WDR19: variants seen among roughly 807,000 people sequenced by gnomAD.
WDR19 encodes the protein WD repeat-containing protein 19.
A neutral mutation model predicts 180.0 loss-of-function variants in WDR19; 121 were observed. The observed-to-expected ratio is 0.67, with a 90% CI of 0.58 to 0.78. The LOEUF (loss-of-function observed/expected upper bound fraction) is 0.78, where lower values mean the gene tolerates loss of function less well. Ranked by LOEUF, WDR19 falls within the 30% of genes least tolerant of loss-of-function variation. The pLI is 0.00. For missense variants in WDR19, 1,450 were observed against 1,640.7 expected (o/e 0.88, Z 2.01); for synonymous variants, 497 against 540.7 (o/e 0.92, Z 1.12).
chr4:39,257,661 C>T lies in WDR19; in HGVS notation c.3183+107C>T, dbSNP rs905406328. Reference sequence around the variant, plus strand: ...GTAGACCAAACAGTATTACAAACCCCTACATACCTATCGTGTAACTTCAAC... The same window carrying T: ...GTAGACCAAACAGTATTACAAACCCTTACATACCTATCGTGTAACTTCAAC... On this transcript the variant is annotated intron_variant, in intron 28 of 36. Transcript: ENST00000399820. 6 of 953,904 alleles carry T rather than the reference C, an allele frequency of 6.3e-6. No individual in the cohort carries two copies. In the African/African-American group the frequency reaches 8.3e-5, roughly 13 times the overall value. The allele number at this position is 953,904 out of a possible 1,614,324, so 59.1% of individuals were successfully genotyped here.
intron 17 of WDR19, among the ~76,000 whole-genome samples, chr4:39,230,799 A>G (rs936372669): frequency 6.6e-6 from 1 of 152,226 alleles, no homozygotes; most frequent in African/African-American, 2.4e-5. Flanking sequence ...AGATAAATGG[A>G]TGAATGAATA....
At chr4:39,220,560 A>ATTTTTTTTTTTT (rs142037096) in intron 14 of WDR19, among the ~76,000 whole-genome samples, 3 of 64,376 alleles carry the variant, frequency 4.7e-5, no homozygotes, top group African/African-American at 7.3e-5. Context: ...GACCTCCTTG[A>ATTTTTTTTTTTT]TTTTTTTTTT....
intron 6 of WDR19, among the ~76,000 whole-genome samples, chr4:39,202,853 G>A (rs996704624): frequency 6.6e-5 from 10 of 151,412 alleles, no homozygotes; most frequent in African/African-American, 1.7e-4. Flanking sequence ...GTTTCTTTAC[G>A]AGTTTTGTAA....
intron 28 of WDR19, among the ~76,000 whole-genome samples, chr4:39,264,803 C>A (rs775150247): frequency 6.6e-6 from 1 of 152,114 alleles, no homozygotes; most frequent in Non-Finnish European, 1.5e-5. Context: ...AATTCCTGAC[C>A]TCACACATTC....
intron 24 of WDR19, among the ~76,000 whole-genome samples, chr4:39,246,928 C>T (rs201268563): frequency 8.0e-4 from 114 of 142,294 alleles, no homozygotes; most frequent in Non-Finnish European, 1.1e-3. Flanking sequence ...CCTCTGAGGG[C>T]AGGGCACAGA....
intron 1 of WDR19, 94 bp downstream of exon 1, chr4:39,182,657 T>G: frequency 6.4e-7 from 1 of 1,552,526 alleles, no homozygotes; most frequent in Non-Finnish European, 8.8e-7. Flanking sequence ...CTCTCCCTTC[T>G]GAGTTCGTTG....
At chr4:39,183,965 G>A (rs1230454301) in intron 1 of WDR19, among the ~76,000 whole-genome samples, 1 of 152,236 alleles carries the variant, frequency 6.6e-6, no homozygotes, top group Non-Finnish European at 1.5e-5. Flanking sequence ...AGGAGTTCCA[G>A]GGTGAAATGG....
intron 28 of WDR19, among the ~76,000 whole-genome samples, chr4:39,257,821 T>C (rs9991575): frequency 0.078 from 11,882 of 151,900 alleles, 1,541 homozygotes; most frequent in African/African-American, 0.27. Flanking sequence ...ATAAGAACCT[T>C]TGGATTTTCT....
chr4:39,281,451 G>A (rs6852912), intron 36 of WDR19, among the ~76,000 whole-genome samples: 76,176 of 151,128 alleles, frequency 0.5, 20,568 homozygotes, highest in African/African-American at 0.71. Flanking sequence ...TTTTTCCCTT[G>A]TTTTAATACT....
At chr4:39,199,131 AC>A (rs1727108796) in intron 5 of WDR19, among the ~76,000 whole-genome samples, 1 of 152,158 alleles carries the variant, frequency 6.6e-6, no homozygotes, top group African/African-American at 2.4e-5. Context: ...ACACCACTGC[AC>A]TCTAGCCTGG....
intron 34 of WDR19, among the ~76,000 whole-genome samples, chr4:39,277,385 G>A (rs537145539): frequency 7.9e-5 from 12 of 152,232 alleles, no homozygotes; most frequent in South Asian, 2.1e-4. Flanking sequence ...AGACTATCCC[G>A]GGCTCAGTCC....
Position 39,228,282 on chromosome 4 carries a change from A to G in WDR19, c.1702A>G (p.Met568Val). ...AGGTGTTCTTTGGGAAAACTGGCCA[A>G]TGGATAAAGGTGTATTTATTGCTTA... ...IKGVLWENWP[M>V]DKGVFIAYDD... is the part of the protein sequence containing the mutation. The change falls in exon 16 of 37, where the codon ATG (methionine) becomes GTG (valine). Residue 568 changes from methionine (M) to valine (V), a missense_variant. Met to Val is a conservative substitution (Grantham distance 21, BLOSUM62 1). Coordinates refer to ENST00000399820, the MANE Select transcript of WDR19 (RefSeq NM_025132.4). 1 of 1,613,588 alleles carries G rather than the reference A, an allele frequency of 6.2e-7. No individual in the cohort carries two copies. The highest frequency in any genetic ancestry group is 8.5e-7 in the Non-Finnish European group (1 of 1,179,672).
At chr4:39,194,328 T>C (rs1726489834) in intron 4 of WDR19, among the ~76,000 whole-genome samples, 1 of 152,266 alleles carries the variant, frequency 6.6e-6, no homozygotes, top group Non-Finnish European at 1.5e-5. Flanking sequence ...TCTACATTCA[T>C]TATACTTTTG....
At chr4:39,285,046 C>CAA in intron 36 of WDR19, among the ~76,000 whole-genome samples, 1 of 109,940 alleles carries the variant, frequency 9.1e-6, no homozygotes, top group East Asian at 2.3e-4. Context: ...GGCAATGTAA[C>CAA]AAGACCCCAT....
chr4:39,277,192 C>A (rs1189049207), intron 34 of WDR19, 49 bp downstream of exon 34: 1 of 1,536,716 alleles, frequency 6.5e-7, no homozygotes, highest in Non-Finnish European at 8.8e-7. Context: ...ATATTTGTAA[C>A]CCATTTGAAT....
In WDR19 at chr4:39,210,401, C is replaced by G. The variant is rs75900017; in HGVS notation, c.891-4200C>G. The stretch of plus-strand genomic sequence containing the variant: ...ATTTAAAAATCAGTGTAATCTATGT[C>G]AGGTGCAGTGGCACATGGCTGCTGT... On this transcript the variant is annotated intron_variant, in intron 9 of 36. Transcript: ENST00000399820. 9.0e-3 allele frequency among the ~76,000 whole-genome samples: 1,372 copies of G among 152,352 alleles called. 12 individuals are homozygous for G. Among genetic ancestry groups the G allele is most frequent in the Non-Finnish European group, 0.015 (995 of 68,034 alleles).
Position 39,217,145 on chromosome 4 carries a change from T to C in WDR19, c.1261T>C (p.Leu421=). The C allele has an allele frequency of 6.2e-7, 1 of 1,604,094 alleles. No individual in the cohort carries two copies. Residue 421 remains leucine, a synonymous_variant, in exon 13 of 37, where the codon TTG becomes CTG. Transcript: ENST00000399820. ...YVLGENAVKK[L]KDMEYLGTVA... ...AAAAATTGCTACAGCTGTGAAAAAA[T>C]TGAAAGATATGGAGTATCTGGGAAC...
At chr4:39,195,384 A>C (rs1288989806) in intron 5 of WDR19, among the ~76,000 whole-genome samples, 16 of 131,104 alleles carry the variant, frequency 1.2e-4, no homozygotes, top group African/African-American at 3.2e-4. Context: ...AAAAACAAAA[A>C]AACAAACAAA....
chr4:39,272,781 A>G (rs967197360), intron 31 of WDR19, among the ~76,000 whole-genome samples, 199 bp from the exon 32 acceptor site: 3 of 152,218 alleles, frequency 2.0e-5, no homozygotes, highest in Non-Finnish European at 4.4e-5. Context: ...AGCATAGAGT[A>G]GGTGAGGCCA....
Sources: allele counts gnomAD v4.1 joint callset (sites outside exome capture counted in the v4.1 genomes callset), GRCh38; gene constraint gnomAD v4.1.1; transcripts MANE v1.5; gene names NCBI Gene and HGNC (gene_info 2026-07-23, HGNC 2026-07-21).